The following PRKAG2 variants were observed in gnomAD, a reference collection of about 807,000 sequenced individuals.
PRKAG2 encodes protein kinase AMP-activated non-catalytic subunit gamma 2.
In PRKAG2, 26 loss-of-function variants were observed where a neutral mutation model predicts 69.6. That is an observed-to-expected ratio of 0.37 (90% confidence interval 0.27 to 0.52). The LOEUF (loss-of-function observed/expected upper bound fraction) is 0.52. Ranked by LOEUF, PRKAG2 falls within the 20% of genes least tolerant of loss-of-function variation. The pLI is 0.90. For synonymous variants in PRKAG2, 293 were observed against 285.0 expected (o/e 1.03, Z -0.28); for missense variants, 557 against 740.0 (o/e 0.75, Z 2.87).
In PRKAG2 at chr7:151,767,098, T is replaced by C. The variant is rs142240004; in HGVS notation, c.466+14054A>G. 2.9e-3 allele frequency among the ~76,000 whole-genome samples: 449 copies of C among 152,256 alleles called. 3 individuals carry two copies. The highest frequency in any genetic ancestry group is 0.01 in the African/African-American group (429 of 41,540). On this transcript the variant is annotated intron_variant, in intron 3 of 15. Transcript: ENST00000287878. ...AAATTTGAACACAGAGACATGTGCA[T>C]GGAAAAACCTCTGTGAAGATGAAGG...
chr7:151,783,162 C>T (rs768548186), intron 2 of PRKAG2, among the ~76,000 whole-genome samples: 24 of 152,332 alleles, frequency 1.6e-4, no homozygotes, highest in Non-Finnish European at 2.8e-4. Flanking sequence ...TGGCGTGGAC[C>T]CGCGCAGCAC....
At chr7:151,805,420 G>A (rs1343191124) in intron 1 of PRKAG2, among the ~76,000 whole-genome samples, 1 of 152,164 alleles carries the variant, frequency 6.6e-6, no homozygotes, top group Non-Finnish European at 1.5e-5. Context: ...AACCCCCAGT[G>A]AGAACTCAGC....
chr7:151,560,433 T>C, intron 15 of PRKAG2, 91 bp downstream of exon 15: 5 of 1,610,884 alleles, frequency 3.1e-6, no homozygotes, highest in Non-Finnish European at 4.2e-6. Context: ...TGTAGGTGGG[T>C]GGAGAAATGA....
In PRKAG2 at chr7:151,874,516, TATGTATATG is replaced by T. The variant is rs1382046885; in HGVS notation, c.114+1982_114+1990del. 5.1e-4 allele frequency among the ~76,000 whole-genome samples: 58 copies of T among 112,866 alleles called. 6 individuals carry two copies. In the South Asian group the frequency reaches 7.4e-3, roughly 14 times the overall value. The allele number at this position is 112,866 out of a possible 152,430, so 74.0% of individuals were successfully genotyped here. A position where few individuals can be genotyped will look rare whatever the true frequency, so the allele number is the denominator to read the frequency against. ...TGTATATGTATATGATGTATATGTA[TATGTATATG>T]ATGTATATGTATATGTATATGTATA... On this transcript the variant is annotated intron_variant, in intron 1 of 15. Coordinates refer to ENST00000287878, the MANE Select transcript of PRKAG2 (RefSeq NM_016203.4).
At chr7:151,853,524 C>T (rs2079629288) in intron 1 of PRKAG2, among the ~76,000 whole-genome samples, 1 of 151,938 alleles carries the variant, frequency 6.6e-6, no homozygotes, top group African/African-American at 2.4e-5. Flanking sequence ...TTTGGGAGGC[C>T]AAGGTGGGTG....
chr7:151,598,109 T>C (rs1256790893), intron 5 of PRKAG2, among the ~76,000 whole-genome samples: 1 of 152,086 alleles, frequency 6.6e-6, no homozygotes, highest in African/African-American at 2.4e-5. Context: ...CTATAAACAA[T>C]GGAGTACTAT....
chr7:151,758,182 T>C (rs908581169), intron 3 of PRKAG2, among the ~76,000 whole-genome samples: 2 of 152,262 alleles, frequency 1.3e-5, no homozygotes, highest in African/African-American at 4.8e-5. Flanking sequence ...TGTCCCAATG[T>C]CCAGCAGGGC....
intron 1 of PRKAG2, among the ~76,000 whole-genome samples, chr7:151,824,017 T>C (rs1258287028): frequency 6.6e-6 from 1 of 152,116 alleles, no homozygotes; most frequent in Admixed American, 6.5e-5. Flanking sequence ...AGGCCCCCAG[T>C]TATTCTTGGT....
chr7:151,854,091 C>A (rs1343148056), intron 1 of PRKAG2, among the ~76,000 whole-genome samples: 1 of 152,238 alleles, frequency 6.6e-6, no homozygotes, highest in East Asian at 1.9e-4. Context: ...CCCCAGCCAG[C>A]CCTTGCTCTG....
intron 3 of PRKAG2, among the ~76,000 whole-genome samples, chr7:151,685,293 C>T (rs960611398): frequency 6.6e-5 from 10 of 152,142 alleles, no homozygotes; most frequent in African/African-American, 2.4e-4. Flanking sequence ...AGAAGCCTGT[C>T]CTCAGGGCCA....
chr7:151,639,901 C>T (rs1032150834), intron 4 of PRKAG2, among the ~76,000 whole-genome samples: 2 of 152,152 alleles, frequency 1.3e-5, no homozygotes, highest in African/African-American at 4.8e-5. Flanking sequence ...GTCAATCAAT[C>T]AATCAATCAA....
At chr7:151,752,112 G>C (rs917152471) in intron 3 of PRKAG2, among the ~76,000 whole-genome samples, 1 of 152,160 alleles carries the variant, frequency 6.6e-6, no homozygotes. Flanking sequence ...AGGACAATTT[G>C]AGCATCAAAA....
intron 4 of PRKAG2, among the ~76,000 whole-genome samples, chr7:151,660,214 A>C (rs950367319): frequency 6.6e-6 from 1 of 152,228 alleles, no homozygotes; most frequent in Non-Finnish European, 1.5e-5. Context: ...GTTAGACATA[A>C]TAAAAGTGAA....
intron 5 of PRKAG2, among the ~76,000 whole-genome samples, chr7:151,606,681 G>A (rs1395712681): frequency 3.3e-5 from 5 of 152,050 alleles, no homozygotes; most frequent in South Asian, 2.1e-4. Context: ...TCAGCCGGGC[G>A]TGGTGACATG....
intron 4 of PRKAG2, among the ~76,000 whole-genome samples, chr7:151,635,523 A>G (rs1347675669): frequency 1.3e-5 from 2 of 152,226 alleles, no homozygotes; most frequent in Non-Finnish European, 2.9e-5. Context: ...GGAAGGAACT[A>G]CTGACACATA....
chr7:151,574,304 T>C (rs1016301737), intron 8 of PRKAG2, among the ~76,000 whole-genome samples: 25 of 152,110 alleles, frequency 1.6e-4, no homozygotes, highest in African/African-American at 5.6e-4. Context: ...ATCTCAGATA[T>C]CACAAAGTTA....
At chr7:151,779,582 G>A (rs372388781) in intron 3 of PRKAG2, among the ~76,000 whole-genome samples, 38 of 152,166 alleles carry the variant, frequency 2.5e-4, no homozygotes, top group Non-Finnish European at 5.0e-4. Flanking sequence ...GCTGCTCTCC[G>A]CCCCGCTCAG....
At position 151,576,432 on chromosome 7, in the gene PRKAG2, A is replaced by G; in HGVS notation, c.885T>C (p.Ala295=). 6.2e-7 allele frequency: 1 copy of G among 1,608,242 alleles called. No homozygotes were observed. The highest frequency in any genetic ancestry group is 8.5e-7 in the Non-Finnish European group (1 of 1,174,704). ...TTLQVKKAFF[A]LVANGVRAAP... ...CTGCTCGGACACCGTTGGCTACCAA[A>G]GCAAAGAAGGCCTTTTTAACCTGAA... is the stretch of plus-strand genomic sequence containing the variant. The change falls in exon 7 of 16, where the codon GCT becomes GCC. Residue 295 remains alanine (A), a synonymous_variant. Transcript: ENST00000287878.
chr7:151,831,434 C>T (rs138703867), intron 1 of PRKAG2, among the ~76,000 whole-genome samples: 457 of 152,206 alleles, frequency 3.0e-3, no homozygotes, highest in African/African-American at 9.7e-3. Flanking sequence ...ACAACATGGA[C>T]GAACCTTAAA....
Sources: allele counts gnomAD v4.1 joint callset (sites outside exome capture counted in the v4.1 genomes callset), GRCh38; gene constraint gnomAD v4.1.1; transcripts MANE v1.5; gene names NCBI Gene and HGNC (gene_info 2026-07-23, HGNC 2026-07-21).